The following GAS2 variants were observed in gnomAD, a reference collection of about 807,000 sequenced individuals.
GAS2 encodes growth arrest-specific protein 2.
GAS2 carries 20 observed loss-of-function variants against 37.5 expected under a neutral mutation model. The ratio of observed to expected loss-of-function variants is 0.53; its 90% CI spans 0.37 to 0.77. The LOEUF (loss-of-function observed/expected upper bound fraction) is 0.77, where lower values mean the gene tolerates loss of function less well. Ranked by LOEUF, GAS2 falls within the 30% of genes least tolerant of loss-of-function variation. The pLI, the probability that GAS2 is intolerant of heterozygous loss-of-function variation, is 0.00. For missense variants in GAS2, 336 were observed against 373.4 expected (o/e 0.90, Z 0.82); for synonymous variants, 144 against 132.2 (o/e 1.09, Z -0.61).
intron 1 of GAS2, among the ~76,000 whole-genome samples, chr11:22,645,747 G>T (rs1170454957): frequency 1.3e-5 from 2 of 151,680 alleles, no homozygotes; most frequent in East Asian, 3.9e-4. Context: ...TTTGAATTGT[G>T]CCATTATACA....
chr11:22,638,432 G>A (rs897634192), intron 1 of GAS2, among the ~76,000 whole-genome samples: 2 of 149,168 alleles, frequency 1.3e-5, no homozygotes, highest in African/African-American at 5.0e-5. Flanking sequence ...TGCAGCCTTT[G>A]TCTCCCAGGT....
At chr11:22,708,367 T>C (rs1309920966) in intron 3 of GAS2, among the ~76,000 whole-genome samples, 2 of 152,310 alleles carry the variant, frequency 1.3e-5, no homozygotes, top group African/African-American at 4.8e-5. Flanking sequence ...TAAATGTCCT[T>C]TTCTTCAGTT....
intron 4 of GAS2, among the ~76,000 whole-genome samples, chr11:22,732,280 A>G (rs1409730758): frequency 6.6e-6 from 1 of 151,644 alleles, no homozygotes; most frequent in African/African-American, 2.4e-5. Context: ...GTGCTAGAGG[A>G]AAAAAGAGCG....
At chr11:22,637,044 T>C (rs932920799) in intron 1 of GAS2, among the ~76,000 whole-genome samples, 23 of 134,002 alleles carry the variant, frequency 1.7e-4, no homozygotes, top group Non-Finnish European at 2.9e-4. Context: ...TTATCTATTA[T>C]AATTGATATA....
chr11:22,652,977 TTG>T (rs1404861350), intron 1 of GAS2, among the ~76,000 whole-genome samples: 1 of 101,278 alleles, frequency 9.9e-6, no homozygotes, highest in African/African-American at 3.2e-5. Flanking sequence ...CTTTCTTTCT[TTG>T]TCTTTCTTTC....
rs1491294585 is a variant in GAS2 at position 22,789,423 on chromosome 11, G to GATATATATAAAT, written c.724-22374_724-22373insTATATATAAATA. On this transcript the variant is annotated intron_variant, in intron 7 of 7. Transcript: ENST00000454584. ...GTGTGTATGTGTGTGTATCTCATATGAGATATATATATATATATATATATA... is the reference window on the plus strand; with the variant it reads ...GTGTGTATGTGTGTGTATCTCATATGATATATATAAATAGATATATATATATATATATATATA... Among the ~76,000 whole-genome samples, 11 of 71,162 alleles carry GATATATATAAAT rather than the reference G, an allele frequency of 1.5e-4. 1 individual carries two copies. The highest frequency in any genetic ancestry group is 4.0e-4 in the African/African-American group (7 of 17,326). 46.7% of individuals were successfully genotyped at this position (71,162 alleles called of 152,430 possible).
chr11:22,763,659 A>G (rs934619413), intron 7 of GAS2, among the ~76,000 whole-genome samples: 2 of 140,102 alleles, frequency 1.4e-5, no homozygotes, highest in Non-Finnish European at 3.1e-5. Context: ...ACACACACAC[A>G]CGTCATCTAA....
At chr11:22,773,606 C>T (rs1855103743) in intron 7 of GAS2, among the ~76,000 whole-genome samples, 1 of 151,850 alleles carries the variant, frequency 6.6e-6, no homozygotes, top group African/African-American at 2.4e-5. Context: ...TGTCACACCT[C>T]AGTCTTAATC....
At chr11:22,641,448 T>C (rs905147782) in intron 1 of GAS2, among the ~76,000 whole-genome samples, 1 of 151,202 alleles carries the variant, frequency 6.6e-6, no homozygotes, top group Admixed American at 6.7e-5. Context: ...GCTGCACCCA[T>C]TAACTTGTCA....
intron 6 of GAS2, among the ~76,000 whole-genome samples, chr11:22,753,598 A>G (rs1451843159): frequency 6.6e-6 from 1 of 152,056 alleles, no homozygotes; most frequent in Non-Finnish European, 1.5e-5. Flanking sequence ...TGATCCTCCT[A>G]AAGTTCAGGC....
intron 1 of GAS2, among the ~76,000 whole-genome samples, chr11:22,641,354 A>G (rs1296064855): frequency 3.4e-5 from 5 of 145,802 alleles, no homozygotes; most frequent in Admixed American, 2.8e-4. Flanking sequence ...GTCTTTATAT[A>G]TATTTTATTA....
At chr11:22,778,547 G>A (rs12575051) in intron 7 of GAS2, among the ~76,000 whole-genome samples, 84,266 of 152,144 alleles carry the variant, frequency 0.55, 23,782 homozygotes, top group South Asian at 0.7. Flanking sequence ...AGATGTAAAT[G>A]ATGAGAAGGA....
chr11:22,695,696 T>C (rs144650566), intron 3 of GAS2, among the ~76,000 whole-genome samples: 1,557 of 152,316 alleles, frequency 0.01, 31 homozygotes, highest in African/African-American at 0.036. Flanking sequence ...TTCTTCCATA[T>C]TCAACAGCTC....
At chr11:22,771,118 A>C (rs1167909543) in intron 7 of GAS2, among the ~76,000 whole-genome samples, 1 of 151,880 alleles carries the variant, frequency 6.6e-6, no homozygotes. Context: ...GTACTAAAAC[A>C]CTGTTTCTTC....
intron 1 of GAS2, among the ~76,000 whole-genome samples, chr11:22,656,384 A>G (rs1380074178): frequency 6.6e-6 from 1 of 152,234 alleles, no homozygotes; most frequent in African/African-American, 2.4e-5. Flanking sequence ...AAGGCACAGA[A>G]TGTTGAAAAA....
chr11:22,780,573 A>AAAAAG lies in GAS2; in HGVS notation c.723+24623_723+24624insAGAAA, dbSNP rs1272672960. ...ACTCTGTCTCAAAAAAAAAAAAAAA[A>AAAAAG]AAAGATTGTAAGATTTTTCTATTAG... On this transcript the variant is annotated intron_variant, in intron 7 of 7. Transcript: ENST00000454584. Among the ~76,000 whole-genome samples the AAAAAG allele has an allele frequency of 2.9e-3, 444 of 151,474 alleles. 8 individuals are homozygous for AAAAAG. The highest frequency in any genetic ancestry group is 1.0e-2 in the African/African-American group (411 of 41,170).
At chr11:22,654,852 C>T (rs1053029218) in intron 1 of GAS2, among the ~76,000 whole-genome samples, 3 of 152,010 alleles carry the variant, frequency 2.0e-5, no homozygotes, top group Admixed American at 6.6e-5. Flanking sequence ...ACTAAAAGAG[C>T]ATAAAGAGTT....
chr11:22,786,848 A>G (rs956059343), intron 7 of GAS2, among the ~76,000 whole-genome samples: 9 of 152,164 alleles, frequency 5.9e-5, no homozygotes, highest in African/African-American at 2.2e-4. Flanking sequence ...AGAAGTGAGA[A>G]AGGCTTCTAC....
At chr11:22,729,584 C>G (rs1852378627) in intron 4 of GAS2, among the ~76,000 whole-genome samples, 1 of 151,780 alleles carries the variant, frequency 6.6e-6, no homozygotes, top group Admixed American at 6.6e-5. Flanking sequence ...GTGTTCGCTA[C>G]ATCCTGAAAT....
Sources: gnomAD v4.1 joint callset for allele counts (sites outside exome capture counted in the v4.1 genomes callset) on GRCh38, gnomAD v4.1.1 for gene constraint, MANE v1.5 for transcripts, NCBI Gene and HGNC (gene_info 2026-07-23, HGNC 2026-07-21) for gene names.